The following ROBO2 variants were observed in gnomAD, a reference collection of about 807,000 sequenced individuals.
ROBO2 encodes roundabout guidance receptor 2, also known as roundabout homolog 2.
Under a neutral mutation model 160.8 loss-of-function variants are expected in ROBO2, and 53 were observed. The ratio of observed to expected loss-of-function variants is 0.33; its 90% CI spans 0.26 to 0.41. The LOEUF is 0.41. ROBO2 is among the 10% of genes least tolerant of loss of function. ROBO2 has a pLI of 1.00. For synonymous variants in ROBO2, 664 were observed against 611.7 expected (o/e 1.09, Z -1.26); for missense variants, 1,577 against 1,722.4 (o/e 0.92, Z 1.49).
At chr3:77,581,182 C>T (rs1583078539) in intron 16 of ROBO2, among the ~76,000 whole-genome samples, 2 of 152,044 alleles carry the variant, frequency 1.3e-5, no homozygotes. Context: ...TCTCTTGTTA[C>T]TGATTAGTAG....
chr3:77,187,897 G>A (rs1171032930), intron 2 of ROBO2, among the ~76,000 whole-genome samples: 1 of 151,872 alleles, frequency 6.6e-6, no homozygotes, highest in Non-Finnish European at 1.5e-5. Context: ...CTCAGTAAGG[G>A]ATGAAAGTTG....
At chr3:77,463,575 G>GTTA (rs1202311994) in intron 2 of ROBO2, among the ~76,000 whole-genome samples, 3 of 151,500 alleles carry the variant, frequency 2.0e-5, no homozygotes, top group East Asian at 3.9e-4. Flanking sequence ...TATTATTATT[G>GTTA]TTATTATTAT....
At chr3:76,333,684 C>G (rs1475278054) in intron 2 of ROBO2, among the ~76,000 whole-genome samples, 1 of 152,172 alleles carries the variant, frequency 6.6e-6, no homozygotes, top group African/African-American at 2.4e-5. Context: ...ACCACGCAAG[C>G]AAAAGAAGCC....
intron 2 of ROBO2, among the ~76,000 whole-genome samples, chr3:77,024,987 T>TA (rs200808471): frequency 3.3e-4 from 49 of 150,630 alleles, no homozygotes; most frequent in Middle Eastern, 3.4e-3. Context: ...TTTTTTGTTT[T>TA]AAAAAAAAAG....
intron 2 of ROBO2, among the ~76,000 whole-genome samples, chr3:77,138,184 GTTTTCATTTGC>G (rs1229534019): frequency 2.2e-4 from 34 of 152,176 alleles, no homozygotes; most frequent in African/African-American, 7.5e-4. Context: ...TTTCTCACTA[GTTTTCATTTGC>G]TTTTCATTTT....
intron 2 of ROBO2, among the ~76,000 whole-genome samples, chr3:76,828,153 T>G (rs544890105): frequency 7.6e-4 from 116 of 152,284 alleles, no homozygotes; most frequent in South Asian, 2.9e-3. Context: ...GTTCATGACT[T>G]GGGCTTGCTT....
At chr3:77,532,483 C>A (rs894492959) in intron 6 of ROBO2, among the ~76,000 whole-genome samples, 1 of 151,796 alleles carries the variant, frequency 6.6e-6, no homozygotes, top group African/African-American at 2.4e-5. Context: ...TTTCAATAAC[C>A]TTTTCTTCTG....
chr3:76,675,130 A>T (rs908732458), intron 2 of ROBO2, among the ~76,000 whole-genome samples: 2 of 152,116 alleles, frequency 1.3e-5, no homozygotes, highest in East Asian at 3.9e-4. Flanking sequence ...CTTTAGTAAA[A>T]ATCTCTGAAT....
intron 2 of ROBO2, among the ~76,000 whole-genome samples, chr3:77,104,017 A>G (rs1212040510): frequency 1.3e-5 from 2 of 152,230 alleles, no homozygotes; most frequent in African/African-American, 4.8e-5. Context: ...AATTGCAAAA[A>G]GATCAATCCA....
At position 76,796,511 on chromosome 3, in the gene ROBO2, A is replaced by AAGGAAG. The variant is rs2063711810; in HGVS notation, c.110-301503_110-301502insAGGAAG. On this transcript the variant is annotated intron_variant, in intron 2 of 26. Coordinates refer to the ROBO2 transcript ENST00000487694. ...AGGAAGGAAGGAAGGAAAGAAGGAA[A>AAGGAAG]GAAGGAAGGAAGGAAGGAAGGAAGG... Among the ~76,000 whole-genome samples the AAGGAAG allele has an allele frequency of 8.8e-4, 127 of 144,602 alleles. 1 individual carries two copies. Among genetic ancestry groups the AAGGAAG allele is most frequent in the African/African-American group, 2.9e-3 (111 of 37,994 alleles). The allele number at this position is 144,602 out of a possible 152,430, so 94.9% of individuals were successfully genotyped here. A position where few individuals can be genotyped will look rare whatever the true frequency, so the allele number is the denominator to read the frequency against.
intron 2 of ROBO2, among the ~76,000 whole-genome samples, chr3:77,417,208 A>G (rs1011599187): frequency 2.0e-5 from 3 of 149,346 alleles, no homozygotes; most frequent in African/African-American, 7.4e-5. Flanking sequence ...CCATTATTTT[A>G]ATGCAGGGTA....
chr3:77,525,238 G>GTT (rs144170880), intron 6 of ROBO2, among the ~76,000 whole-genome samples: 5 of 134,198 alleles, frequency 3.7e-5, no homozygotes, highest in Non-Finnish European at 4.8e-5. Flanking sequence ...TCCACCTGCT[G>GTT]TTTTTTTTTT....
At chr3:76,156,548 T>C (rs546737320) in intron 2 of ROBO2, among the ~76,000 whole-genome samples, 22 of 152,326 alleles carry the variant, frequency 1.4e-4, no homozygotes, top group African/African-American at 5.3e-4. Flanking sequence ...CTGTGTTAAG[T>C]GTAAGGAAAG....
At chr3:76,113,543 G>A (rs993676923) in intron 2 of ROBO2, among the ~76,000 whole-genome samples, 3 of 151,926 alleles carry the variant, frequency 2.0e-5, no homozygotes, top group Admixed American at 6.6e-5. Flanking sequence ...TCATACAATC[G>A]AACTTAAAAG....
chr3:76,514,619 T>C (rs2081261406), intron 2 of ROBO2, among the ~76,000 whole-genome samples: 1 of 152,218 alleles, frequency 6.6e-6, no homozygotes, highest in Admixed American at 6.5e-5. Flanking sequence ...AGATTATTGT[T>C]GTTGAGGCCT....
At chr3:76,708,901 C>T (rs530229329) in intron 2 of ROBO2, among the ~76,000 whole-genome samples, 27 of 152,224 alleles carry the variant, frequency 1.8e-4, no homozygotes, top group Non-Finnish European at 3.2e-4. Flanking sequence ...AGCAAATCAA[C>T]GAGCAGACCT....
intron 5 of ROBO2, among the ~76,000 whole-genome samples, chr3:77,497,487 T>G (rs1466997449): frequency 6.6e-6 from 1 of 152,154 alleles, no homozygotes; most frequent in Non-Finnish European, 1.5e-5. Context: ...TAAGTCGTTT[T>G]AAACAAGGTA....
At chr3:76,506,437 T>G (rs966188306) in intron 2 of ROBO2, among the ~76,000 whole-genome samples, 1 of 152,210 alleles carries the variant, frequency 6.6e-6, no homozygotes, top group African/African-American at 2.4e-5. Flanking sequence ...TCCTTCGTTT[T>G]CTTGCCCCTG....
intron 4 of ROBO2, among the ~76,000 whole-genome samples, chr3:77,481,698 A>T (rs1430537932): frequency 6.6e-6 from 1 of 152,192 alleles, no homozygotes; most frequent in East Asian, 1.9e-4. Context: ...ACACATATAA[A>T]TTCAAAATCA....
Sources: gnomAD v4.1 joint callset for allele counts (sites outside exome capture counted in the v4.1 genomes callset) on GRCh38, gnomAD v4.1.1 for gene constraint, MANE v1.5 for transcripts, NCBI Gene and HGNC (gene_info 2026-07-23, HGNC 2026-07-21) for gene names.